GALNT13: variants seen among roughly 807,000 people sequenced by gnomAD.
GALNT13 encodes the protein polypeptide N-acetylgalactosaminyltransferase 13, also known as UDP-GalNAc:polypeptide N-acetylgalactosaminyltransferase 13.
A neutral mutation model predicts 64.2 loss-of-function variants in GALNT13; 28 were observed. The observed-to-expected ratio is 0.44, with a 90% CI of 0.32 to 0.60. The LOEUF is 0.60. GALNT13 is among the 20% of genes least tolerant of loss of function. The pLI, the probability that GALNT13 is intolerant of heterozygous loss-of-function variation, is 0.05. For synonymous variants in GALNT13, 214 were observed against 224.6 expected (o/e 0.95, Z 0.42); for missense variants, 577 against 669.8 (o/e 0.86, Z 1.53).
At chr2:153,605,878 CT>C in the GALNT13 span, among the ~76,000 whole-genome samples, 1 of 152,046 alleles carries the variant, frequency 6.6e-6, no homozygotes, top group Non-Finnish European at 1.5e-5. Context: ...GTCAAATTTG[CT>C]TTCATACTGA....
chr2:154,272,504 T>G (rs907777413), intron 8 of GALNT13, among the ~76,000 whole-genome samples: 1 of 152,110 alleles, frequency 6.6e-6, no homozygotes, highest in Non-Finnish European at 1.5e-5. Flanking sequence ...ACGTGCATGT[T>G]ACCCTTAAAA....
the GALNT13 span, among the ~76,000 whole-genome samples, chr2:153,690,882 A>C: frequency 1.3e-5 from 2 of 152,128 alleles, no homozygotes; most frequent in Admixed American, 1.3e-4. Flanking sequence ...CCTGAACGGT[A>C]GAATAATACC....
the GALNT13 span, among the ~76,000 whole-genome samples, chr2:153,676,394 T>G: frequency 6.6e-6 from 1 of 151,896 alleles, no homozygotes; most frequent in Non-Finnish European, 1.5e-5. Context: ...CCAAAAAAAG[T>G]CCAGGACCAG....
rs75861418 is a variant in GALNT13 at position 154,342,002 on chromosome 2, G to A, written c.1156+40413G>A. Among the ~76,000 whole-genome samples, 54 of 152,196 alleles carry A rather than the reference G, an allele frequency of 3.5e-4. 1 individual carries two copies. The East Asian group carries it at 0.01, about 28-fold the overall frequency. On this transcript the variant is annotated intron_variant, in intron 9 of 12. Coordinates refer to ENST00000392825, the MANE Select transcript of GALNT13 (RefSeq NM_052917.4). ...TCAAAGTTTTGAGCCTGAACAAACAGAAGGAAGATTGGGATAGAAAGACTT... is the reference window on the plus strand; with the variant it reads ...TCAAAGTTTTGAGCCTGAACAAACAAAAGGAAGATTGGGATAGAAAGACTT...
At chr2:153,535,002 G>A in the GALNT13 span, among the ~76,000 whole-genome samples, 1 of 152,054 alleles carries the variant, frequency 6.6e-6, no homozygotes, top group Non-Finnish European at 1.5e-5. Context: ...AAGTGTTGAA[G>A]TGTTGGGGCG....
chr2:153,900,422 CAG>C (rs2105290998), intron 1 of GALNT13, among the ~76,000 whole-genome samples: 1 of 152,234 alleles, frequency 6.6e-6, no homozygotes, highest in East Asian at 1.9e-4. Flanking sequence ...GCATTTTTCT[CAG>C]TGCATGGATT....
At chr2:154,239,676 A>C (rs551878928) in intron 4 of GALNT13, among the ~76,000 whole-genome samples, 1 of 152,314 alleles carries the variant, frequency 6.6e-6, no homozygotes, top group Non-Finnish European at 1.5e-5. Context: ...CCCATGCCTT[A>C]CATTTTTATT....
At chr2:153,962,942 G>A (rs532197976) in intron 3 of GALNT13, among the ~76,000 whole-genome samples, 1 of 152,092 alleles carries the variant, frequency 6.6e-6, no homozygotes, top group Non-Finnish European at 1.5e-5. Flanking sequence ...GTGTATCAGC[G>A]GTTCTGTTGC....
At chr2:153,778,689 T>G in the GALNT13 span, among the ~76,000 whole-genome samples, 4 of 152,336 alleles carry the variant, frequency 2.6e-5, no homozygotes, top group African/African-American at 9.6e-5. Flanking sequence ...CTCTGCTAAA[T>G]AATTCCAACT....
At chr2:154,298,518 T>TA (rs1559075211) in intron 8 of GALNT13, among the ~76,000 whole-genome samples, 1 of 116,280 alleles carries the variant, frequency 8.6e-6, no homozygotes, top group Non-Finnish European at 1.7e-5. Context: ...AAATTATATA[T>TA]TATATATAAA....
the GALNT13 span, among the ~76,000 whole-genome samples, chr2:153,613,970 C>A: frequency 1.3e-5 from 2 of 151,826 alleles, no homozygotes; most frequent in African/African-American, 2.4e-5. Context: ...ATGTAAGAAA[C>A]CTGCACGTTG....
chr2:153,629,765 A>G, the GALNT13 span, among the ~76,000 whole-genome samples: 27,151 of 147,316 alleles, frequency 0.18, 2,685 homozygotes, highest in African/African-American at 0.23. Flanking sequence ...AAGGGCTAAT[A>G]TCCAGAATCT....
At chr2:153,996,047 A>C (rs1050918974) in intron 3 of GALNT13, among the ~76,000 whole-genome samples, 6 of 152,178 alleles carry the variant, frequency 3.9e-5, no homozygotes, top group Non-Finnish European at 7.4e-5. Context: ...CAGTGTGTAA[A>C]TACCACATTT....
At chr2:153,625,076 AGAAAT>A in the GALNT13 span, among the ~76,000 whole-genome samples, 1 of 152,126 alleles carries the variant, frequency 6.6e-6, no homozygotes, top group Non-Finnish European at 1.5e-5. Context: ...TGCAAAATTA[AGAAAT>A]GAAATGATTT....
chr2:153,436,569 G>A, the GALNT13 span, among the ~76,000 whole-genome samples: 1 of 152,194 alleles, frequency 6.6e-6, no homozygotes, highest in African/African-American at 2.4e-5. Flanking sequence ...GGGTGTATGT[G>A]TACAGGAATT....
intron 8 of GALNT13, among the ~76,000 whole-genome samples, chr2:154,265,999 TA>T (rs1362345718): frequency 1.3e-5 from 2 of 151,830 alleles, no homozygotes; most frequent in South Asian, 2.1e-4. Flanking sequence ...ATCAAGAAAC[TA>T]AAAAAAATTG....
At chr2:154,140,917 A>G (rs1450451447) in intron 4 of GALNT13, among the ~76,000 whole-genome samples, 2 of 152,284 alleles carry the variant, frequency 1.3e-5, no homozygotes, top group African/African-American at 4.8e-5. Context: ...TCATAGGTGT[A>G]CTTACACAAA....
the GALNT13 span, among the ~76,000 whole-genome samples, chr2:153,591,966 C>G: frequency 6.6e-6 from 1 of 151,894 alleles, no homozygotes; most frequent in Non-Finnish European, 1.5e-5. Context: ...ACAAGAAACT[C>G]AAACAACTCA....
the GALNT13 span, among the ~76,000 whole-genome samples, chr2:153,600,840 G>A: frequency 6.6e-6 from 1 of 152,112 alleles, no homozygotes; most frequent in African/African-American, 2.4e-5. Context: ...CCCTGGCTGA[G>A]ATAGGCTGAG....
Sources: allele counts gnomAD v4.1 joint callset (sites outside exome capture counted in the v4.1 genomes callset), GRCh38; gene constraint gnomAD v4.1.1; transcripts MANE v1.5; gene names NCBI Gene and HGNC (gene_info 2026-07-23, HGNC 2026-07-21).